Variants in MYO1B observed in about 807,000 individuals in gnomAD.
The protein encoded by MYO1B is myosin IB.
MYO1B carries 72 observed loss-of-function variants against 159.7 expected under a neutral mutation model. That is an observed-to-expected ratio of 0.45 (90% CI 0.37 to 0.55). MYO1B has a LOEUF of 0.55. MYO1B is among the 20% of genes least tolerant of loss of function. The pLI, the probability that MYO1B is intolerant of heterozygous loss-of-function variation, is 0.00. For synonymous variants in MYO1B, 468 were observed against 473.8 expected, an observed-to-expected ratio of 0.99 and a Z score of 0.16; for missense variants, 1,062 against 1,364.8, an observed-to-expected ratio of 0.78 and a Z score of 3.50.
At position 191,272,248 on chromosome 2, in the gene MYO1B, C is replaced by T. The variant is rs570569731; in HGVS notation, c.-9-4639C>T. On this transcript the variant is annotated intron_variant, in intron 1 of 30. Coordinates refer to ENST00000392318, the MANE Select transcript of MYO1B (RefSeq NM_001130158.3). The stretch of plus-strand genomic sequence containing the variant: ...TGGCACAGCCTGTGGAGTTGCCTGG[C>T]ACCAGTTGGCAGGCTTGTGGCTGGC... 7.2e-5 allele frequency among the ~76,000 whole-genome samples: 11 copies of T among 152,334 alleles called. No individual in the cohort carries two copies. The South Asian group carries it at 1.2e-3, about 17-fold the overall frequency.
intron 1 of MYO1B, among the ~76,000 whole-genome samples, chr2:191,275,693 G>A (rs1687709897): frequency 6.6e-6 from 1 of 152,194 alleles, no homozygotes; most frequent in Non-Finnish European, 1.5e-5. Flanking sequence ...ATATATGTAA[G>A]TATTTATTAG....
intron 1 of MYO1B, among the ~76,000 whole-genome samples, chr2:191,251,854 A>C (rs1279930151): frequency 6.6e-6 from 1 of 152,036 alleles, no homozygotes; most frequent in African/African-American, 2.4e-5. Context: ...GCTCCCCCAA[A>C]ATACACAAAG....
intron 20 of MYO1B, among the ~76,000 whole-genome samples, chr2:191,393,682 T>C (rs1695902595): frequency 6.6e-6 from 1 of 152,230 alleles, no homozygotes; most frequent in Non-Finnish European, 1.5e-5. Context: ...AATGCCATGT[T>C]TTTGTAGATT....
chr2:191,342,510 G>C (rs968687593), intron 5 of MYO1B, among the ~76,000 whole-genome samples: 1 of 152,040 alleles, frequency 6.6e-6, no homozygotes, highest in Non-Finnish European at 1.5e-5. Flanking sequence ...CTTGGCATTG[G>C]AAACAGTATA....
intron 1 of MYO1B, among the ~76,000 whole-genome samples, chr2:191,257,043 T>TC: frequency 6.6e-6 from 1 of 152,022 alleles, no homozygotes; most frequent in East Asian, 1.9e-4. Flanking sequence ...CCCCTCTTCC[T>TC]CCCCCTTCCC....
At chr2:191,327,008 C>A (rs1691141505) in intron 3 of MYO1B, among the ~76,000 whole-genome samples, 1 of 152,042 alleles carries the variant, frequency 6.6e-6, no homozygotes, top group Non-Finnish European at 1.5e-5. Context: ...TGTTTTCCTG[C>A]ATTTCTTGCC....
intron 4 of MYO1B, among the ~76,000 whole-genome samples, chr2:191,335,601 A>G (rs1015429472): frequency 6.6e-6 from 1 of 152,178 alleles, no homozygotes; most frequent in African/African-American, 2.4e-5. Flanking sequence ...TTTTGTGTAC[A>G]TGTGTTCATT....
chr2:191,287,303 G>A (rs35150635), intron 2 of MYO1B, among the ~76,000 whole-genome samples: 57,743 of 151,832 alleles, frequency 0.38, 11,173 homozygotes, highest in Middle Eastern at 0.52. Flanking sequence ...CGAGGTAGGC[G>A]GATCACCCGA....
chr2:191,257,001 G>A (rs1394460753), intron 1 of MYO1B, among the ~76,000 whole-genome samples: 1 of 151,442 alleles, frequency 6.6e-6, no homozygotes, highest in Admixed American at 6.6e-5. Flanking sequence ...TGCTCCCTTA[G>A]TGGTCCTCTT....
At chr2:191,413,743 T>C (rs1314616481) in intron 27 of MYO1B, among the ~76,000 whole-genome samples, 5 of 152,214 alleles carry the variant, frequency 3.3e-5, no homozygotes, top group African/African-American at 4.8e-5. Flanking sequence ...CATGAGGCCA[T>C]GTACTTGAGT....
intron 4 of MYO1B, among the ~76,000 whole-genome samples, chr2:191,332,594 T>TG (rs1691562267): frequency 6.6e-6 from 1 of 152,244 alleles, no homozygotes. Context: ...TATCACGTGC[T>TG]GGGCGGTGTG....
In MYO1B at chr2:191,411,367, G is replaced by A. The variant is rs192143614; in HGVS notation, c.2873+195G>A. 8.3e-3 allele frequency among the ~76,000 whole-genome samples: 1,263 copies of A among 152,240 alleles called. 8 individuals carry two copies. Among genetic ancestry groups the A allele is most frequent in the Non-Finnish European group, 0.014 (977 of 68,016 alleles). ...TCTATAGTGCAGTTTAATGAAATGA[G>A]GTTACGATTGTTGGTTTCACTCCAT... is the stretch of plus-strand genomic sequence containing the variant. On this transcript the variant is annotated intron_variant, in intron 27 of 30. Coordinates refer to ENST00000392318, the MANE Select transcript of MYO1B (RefSeq NM_001130158.3).
In MYO1B at chr2:191,360,628, T is replaced by C; in HGVS notation, c.563-3T>C. On this transcript the variant is annotated splice_polypyrimidine_tract_variant and splice_region_variant and intron_variant, in intron 7 of 30. Transcript: ENST00000392318. Reference sequence around the variant, plus strand: ...CATACTATGATTTAACTCTTCTCTTTAGATCTTTTAGAGAAATCTCGGGTT... The same window carrying C: ...CATACTATGATTTAACTCTTCTCTTCAGATCTTTTAGAGAAATCTCGGGTT... 1 of 1,593,860 alleles carries C rather than the reference T, an allele frequency of 6.3e-7. No individual in the cohort carries two copies. The highest frequency in any genetic ancestry group is 8.6e-7 in the Non-Finnish European group (1 of 1,162,968).
intron 7 of MYO1B, among the ~76,000 whole-genome samples, chr2:191,359,143 A>G (rs1693494467): frequency 6.6e-6 from 1 of 152,214 alleles, no homozygotes; most frequent in African/African-American, 2.4e-5. Context: ...TCACATGATA[A>G]GTAAAATCGT....
chr2:191,335,078 G>A (rs1311094301), intron 4 of MYO1B, among the ~76,000 whole-genome samples: 1 of 152,042 alleles, frequency 6.6e-6, no homozygotes, highest in East Asian at 1.9e-4. Context: ...GTGCTTCTTG[G>A]ACCCTGTGAT....
chr2:191,418,327 A>G (rs932800276), intron 30 of MYO1B, among the ~76,000 whole-genome samples: 2 of 43,532 alleles, frequency 4.6e-5, no homozygotes, highest in Admixed American at 2.1e-4. Context: ...CCAGTGTTGA[A>G]AACCACATGC....
chr2:191,282,650 T>C (rs1324960972), intron 2 of MYO1B, among the ~76,000 whole-genome samples: 1 of 152,206 alleles, frequency 6.6e-6, no homozygotes, highest in Non-Finnish European at 1.5e-5. Flanking sequence ...CAAGATTATG[T>C]TGGGTGAAAA....
intron 30 of MYO1B, 62 bp from the exon 31 acceptor site, chr2:191,423,775 G>T: frequency 1.3e-6 from 2 of 1,544,662 alleles, no homozygotes; most frequent in Middle Eastern, 1.7e-4. Context: ...ACAAAAGCAA[G>T]TGTTATTGTA....
intron 23 of MYO1B, chr2:191,402,348 C>T: frequency 2.4e-6 from 1 of 410,364 alleles, no homozygotes; most frequent in East Asian, 5.2e-5. Flanking sequence ...AGAGAGAGAA[C>T]AGGAGAAAAA....
Sources: gnomAD v4.1 joint callset for allele counts (sites outside exome capture counted in the v4.1 genomes callset) on GRCh38, gnomAD v4.1.1 for gene constraint, MANE v1.5 for transcripts, NCBI Gene and HGNC (gene_info 2026-07-23, HGNC 2026-07-21) for gene names.